The following ABCG1 variants were observed in gnomAD, a reference collection of about 807,000 sequenced individuals.
ABCG1 encodes the protein ATP binding cassette subfamily G member 1.
A neutral mutation model predicts 69.2 loss-of-function variants in ABCG1; 29 were observed. The observed-to-expected ratio is 0.42, with a 90% CI of 0.31 to 0.57. ABCG1 has a LOEUF of 0.57. ABCG1 is among the 20% of genes least tolerant of loss of function. The pLI, the probability that ABCG1 is intolerant of heterozygous loss-of-function variation, is 0.15. For missense variants in ABCG1, 718 were observed against 898.1 expected (o/e 0.80, Z 2.56); for synonymous variants, 370 against 374.8 (o/e 0.99, Z 0.15).
intron 2 of ABCG1, among the ~76,000 whole-genome samples, chr21:42,250,387 G>T (rs1037466022): frequency 2.0e-5 from 3 of 152,138 alleles, no homozygotes; most frequent in Admixed American, 2.0e-4. Flanking sequence ...CCTGCCCCAT[G>T]CCTCAGTGGT....
chr21:42,200,045 C>A (rs1411547594), intron 1 of ABCG1, among the ~76,000 whole-genome samples: 1 of 152,170 alleles, frequency 6.6e-6, no homozygotes, highest in East Asian at 1.9e-4. Flanking sequence ...TATTGGTGAG[C>A]TGCCTGGATT....
intron 2 of ABCG1, among the ~76,000 whole-genome samples, chr21:42,269,242 G>A (rs1689010564): frequency 6.6e-6 from 1 of 152,196 alleles, no homozygotes; most frequent in Admixed American, 6.5e-5. Context: ...CTTTCTTGGG[G>A]ATATCGCGTG....
At chr21:42,271,882 C>A (rs1405751704) in intron 3 of ABCG1, among the ~76,000 whole-genome samples, 1 of 152,178 alleles carries the variant, frequency 6.6e-6, no homozygotes, top group African/African-American at 2.4e-5. Context: ...GAGACTCCAT[C>A]TCAAAAACAC....
chr21:42,242,938 G>A (rs2068073447), intron 2 of ABCG1, among the ~76,000 whole-genome samples: 1 of 152,150 alleles, frequency 6.6e-6, no homozygotes, highest in African/African-American at 2.4e-5. Context: ...TGATAAGTAT[G>A]GGGCGATGCT....
chr21:42,219,024 G>A, upstream of ABCG1: 1 of 236,692 alleles, frequency 4.2e-6, no homozygotes, highest in Non-Finnish European at 8.0e-6. This position sits in a 1 kb window ranked among gnomAD's most constrained non-coding sequence, Gnocchi z 5.3. Flanking sequence ...CCCCCAGCAG[G>A]AGCAAAACAA....
chr21:42,283,350 G>T (rs2123776610), intron 6 of ABCG1, among the ~76,000 whole-genome samples: 1 of 152,292 alleles, frequency 6.6e-6, no homozygotes, highest in South Asian at 2.1e-4. Context: ...GCCCTGAGAT[G>T]GGTGGGCTCC....
chr21:42,263,667 G>C (rs1026550609), intron 2 of ABCG1, among the ~76,000 whole-genome samples: 1 of 152,234 alleles, frequency 6.6e-6, no homozygotes, highest in African/African-American at 2.4e-5. Context: ...CCCACTTGGG[G>C]AGGGGTTTGT....
chr21:42,231,948 G>A (rs1455321404), intron 2 of ABCG1, among the ~76,000 whole-genome samples: 1 of 152,224 alleles, frequency 6.6e-6, no homozygotes, highest in Non-Finnish European at 1.5e-5. Flanking sequence ...TGGCTTGCTT[G>A]AGGCTGGGGC....
intron 13 of ABCG1, among the ~76,000 whole-genome samples, chr21:42,292,492 A>G (rs1253445772): frequency 6.6e-6 from 1 of 152,020 alleles, no homozygotes; most frequent in African/African-American, 2.4e-5. Flanking sequence ...ACCCCTGCCT[A>G]GGGCACTCAG....
rs1315621284 is a variant in ABCG1, at chr21:42,287,518, G to T, written c.974-371G>T. Among the ~76,000 whole-genome samples, 1 of 152,204 alleles carries T rather than the reference G, an allele frequency of 6.6e-6. No individual in the cohort carries two copies. Among genetic ancestry groups the T allele is most frequent in the Non-Finnish European group, 1.5e-5 (1 of 68,020 alleles). ...CAAACCACAAGCTCCTCAAGGAGGA[G>T]TCCCTCAGGGAGGAGTCCTTCGTTC... On this transcript the variant is annotated intron_variant, in intron 8 of 14. Coordinates refer to ENST00000398449, the MANE Select transcript of ABCG1 (RefSeq NM_016818.3). This position sits in a 1 kb window ranked among gnomAD's most constrained non-coding sequence, Gnocchi z 6.2.
chr21:42,261,212 C>A (rs148926886), intron 2 of ABCG1, among the ~76,000 whole-genome samples: 125 of 151,570 alleles, frequency 8.2e-4, no homozygotes, highest in Middle Eastern at 3.4e-3. Context: ...CACCACCCCC[C>A]CTCTCCCGCC....
chr21:42,291,324 G>C lies in ABCG1; in HGVS notation c.1494+132G>C. On this transcript the variant is annotated intron_variant, in intron 12 of 14. Coordinates refer to ENST00000398449, the MANE Select transcript of ABCG1 (RefSeq NM_016818.3). This position sits in a 1 kb window ranked among gnomAD's most constrained non-coding sequence, Gnocchi z 6.4. ...CTTCGGGAGCTCTGGTGGGAGCTGC[G>C]GGGAAGGGCCTGACTTCGGGAGCTG... 1.7e-6 allele frequency: 2 copies of C among 1,163,566 alleles called. No individual in the cohort carries two copies. The highest frequency in any genetic ancestry group is 1.4e-5 in the South Asian group (1 of 70,496). 72.1% of individuals were successfully genotyped at this position (1,163,566 alleles called of 1,614,324 possible).
chr21:42,278,552 C>T (rs892245604), intron 5 of ABCG1, among the ~76,000 whole-genome samples: 8 of 152,178 alleles, frequency 5.3e-5, no homozygotes, highest in Non-Finnish European at 1.0e-4. Context: ...CAAGGGATGG[C>T]CCCGTGAGGA....
rs1237651610 is a variant in ABCG1 at position 42,219,551 on chromosome 21, T to A, written c.42+247T>A. 6.7e-6 allele frequency among the ~76,000 whole-genome samples: 1 copy of A among 149,906 alleles called. No individual in the cohort carries two copies. Among genetic ancestry groups the A allele is most frequent in the African/African-American group, 2.4e-5 (1 of 40,850 alleles). On this transcript the variant is annotated intron_variant, in intron 1 of 14. Transcript: ENST00000398449. The surrounding 1 kb of genome is among the most constrained non-coding windows in gnomAD (Gnocchi z 5.3). Reference sequence around the variant, plus strand: ...ACGGACTAGGTGGAGGGGCCGGGAGTGGGGCGGGGGCAGCGAGTTGCCCTA... The same window carrying A: ...ACGGACTAGGTGGAGGGGCCGGGAGAGGGGCGGGGGCAGCGAGTTGCCCTA...
At chr21:42,270,295 G>C (rs1191786587) in intron 2 of ABCG1, among the ~76,000 whole-genome samples, 1 of 149,464 alleles carries the variant, frequency 6.7e-6, no homozygotes. Flanking sequence ...CCCCTGGATT[G>C]GGAGACATTA....
At chr21:42,223,370 C>G (rs1216403643) in intron 1 of ABCG1, among the ~76,000 whole-genome samples, 1 of 152,142 alleles carries the variant, frequency 6.6e-6, no homozygotes, top group Non-Finnish European at 1.5e-5. Context: ...TTAGATATCC[C>G]TTCTGAGTTA....
chr21:42,204,701 A>G (rs368482044), intron 2 of ABCG1, among the ~76,000 whole-genome samples: 15 of 152,300 alleles, frequency 9.8e-5, no homozygotes, highest in African/African-American at 3.6e-4. Flanking sequence ...GCAGTGTAGT[A>G]GTCTTGCTGT....
intron 2 of ABCG1, among the ~76,000 whole-genome samples, chr21:42,202,622 T>C (rs1485447309): frequency 2.0e-5 from 3 of 151,740 alleles, no homozygotes; most frequent in Non-Finnish European, 4.4e-5. Context: ...CCTTTTTTTT[T>C]TTCGTTTGAG....
intron 1 of ABCG1, among the ~76,000 whole-genome samples, chr21:42,222,424 G>A (rs2067743471): frequency 6.6e-6 from 1 of 152,220 alleles, no homozygotes; most frequent in African/African-American, 2.4e-5. Flanking sequence ...GGATGGGGCT[G>A]TATGATTTCC....
Sources: allele counts gnomAD v4.1 joint callset (sites outside exome capture counted in the v4.1 genomes callset), GRCh38; gene constraint gnomAD v4.1.1; non-coding constraint Gnocchi (gnomAD v3.1); transcripts MANE v1.5; gene names NCBI Gene and HGNC (gene_info 2026-07-23, HGNC 2026-07-21).